The following GXYLT1 variants were observed in gnomAD, a reference collection of about 807,000 sequenced individuals.
The protein encoded by GXYLT1 is glycosyltransferase 8 domain containing 3.
GXYLT1 carries 29 observed loss-of-function variants against 54.0 expected under a neutral mutation model. The observed-to-expected ratio is 0.54, with a 90% CI of 0.40 to 0.73. The LOEUF (loss-of-function observed/expected upper bound fraction) is 0.73. Among genes scored for constraint, GXYLT1 ranks in the 30% least tolerant of loss-of-function variants. GXYLT1 has a pLI of 0.00. For synonymous variants in GXYLT1, 176 were observed against 204.1 expected (o/e 0.86, Z 1.17); for missense variants, 490 against 553.4 (o/e 0.89, Z 1.15).
intron 3 of GXYLT1, among the ~76,000 whole-genome samples, chr12:42,112,242 C>T (rs985978846): frequency 1.3e-4 from 20 of 152,204 alleles, no homozygotes; most frequent in African/African-American, 4.3e-4. Context: ...GAGTGCCTCT[C>T]CTCCTCCAAA....
In GXYLT1 at chr12:42,106,029, G is replaced by A; in HGVS notation, c.653C>T (p.Thr218Ile). Reference protein sequence around the residue: ...KEVDSLLYVDTDILFLRPVDD... With the variant: ...KEVDSLLYVDIDILFLRPVDD... ...AACTGGTCGTAAAAAAAGGATATCA[G>A]TGTCGACATACAATAGTGAGTCAAC... Residue 218 changes from threonine to isoleucine, a missense_variant, in exon 5 of 8, where the codon ACT (threonine) becomes ATT (isoleucine). This residue lies in a region of GXYLT1 where 342 missense variants were observed against 342.6 expected (regional missense o/e 1.00). Transcript: ENST00000398675. 1 of 1,608,408 alleles carries A rather than the reference G, an allele frequency of 6.2e-7. No individual in the cohort carries two copies. Among genetic ancestry groups the A allele is most frequent in the Non-Finnish European group, 8.5e-7 (1 of 1,176,308 alleles).
chr12:42,087,580 A>G lies in GXYLT1; in HGVS notation c.*206T>C. On this transcript the variant is annotated 3_prime_UTR_variant, in exon 8 of 8. Transcript: ENST00000398675. ...ATAGCAAGTAACATTACAAAACATC[A>G]GAGATAAAAAATGTTCAATGTTGAG... 2.1e-6 allele frequency: 1 copy of G among 481,404 alleles called. No homozygotes were observed. Among genetic ancestry groups the G allele is most frequent in the South Asian group, 2.5e-5 (1 of 40,138 alleles). 29.8% of individuals were successfully genotyped at this position (481,404 alleles called of 1,614,324 possible). A position where few individuals can be genotyped will look rare whatever the true frequency, so the allele number is the denominator to read the frequency against.
chr12:42,114,578 A>G (rs1017207393), intron 3 of GXYLT1, among the ~76,000 whole-genome samples: 5 of 152,334 alleles, frequency 3.3e-5, no homozygotes, highest in African/African-American at 1.2e-4. Flanking sequence ...AGACTAAACC[A>G]GGAAGAAGTT....
rs1305756500 is a variant in GXYLT1 at position 42,087,437 on chromosome 12, T to G, written c.*349A>C. The stretch of plus-strand genomic sequence containing the variant: ...TTGCTCTACTCACAGTCTTGAGTGT[T>G]GGCACTGTTTGAGGTACATTTTCTC... On this transcript the variant is annotated 3_prime_UTR_variant, in exon 8 of 8. Coordinates refer to ENST00000398675, the MANE Select transcript of GXYLT1 (RefSeq NM_173601.2). 5.3e-6 allele frequency: 1 copy of G among 190,098 alleles called. No individual in the cohort carries two copies. The highest frequency in any genetic ancestry group is 6.3e-5 in the Admixed American group (1 of 15,996). The allele number at this position is 190,098 out of a possible 1,614,324, so 11.8% of individuals were successfully genotyped here.
At chr12:42,092,171 T>C (rs553820607) in intron 7 of GXYLT1, among the ~76,000 whole-genome samples, 6 of 152,332 alleles carry the variant, frequency 3.9e-5, no homozygotes, top group East Asian at 1.9e-4. Flanking sequence ...TGAGGCTACA[T>C]AGACCAGAGG....
rs985432747 is a variant in GXYLT1 at position 42,130,476 on chromosome 12, T to C, written c.222-625A>G. On this transcript the variant is annotated intron_variant, in intron 1 of 7. Transcript: ENST00000398675. Reference sequence around the variant, plus strand: ...TATCAAAAAGGCAAAAAACAAATCCTGGCAAAGGTATGAAGAGAAAAGGAA... The same window carrying C: ...TATCAAAAAGGCAAAAAACAAATCCCGGCAAAGGTATGAAGAGAAAAGGAA... 6.3e-4 allele frequency among the ~76,000 whole-genome samples: 96 copies of C among 152,092 alleles called. 1 individual carries two copies. Among genetic ancestry groups the C allele is most frequent in the Middle Eastern group, 3.4e-3 (1 of 294 alleles).
In GXYLT1 at chr12:42,084,771, A is replaced by G. The variant is rs893861256; in HGVS notation, c.*3015T>C. 1 of 152,308 alleles carries G rather than the reference A, an allele frequency of 6.6e-6. No individual in the cohort carries two copies. The highest frequency in any genetic ancestry group is 1.5e-5 in the Non-Finnish European group (1 of 68,058). The allele number at this position is 152,308 out of a possible 1,614,324, so 9.4% of individuals were successfully genotyped here. ...GCCTTAAAACCCTTATATATTATGA[A>G]CTACTCTTCATTAGAAAAAAGTATG... is the stretch of plus-strand genomic sequence containing the variant. On this transcript the variant is annotated 3_prime_UTR_variant, in exon 8 of 8. Coordinates refer to ENST00000398675, the MANE Select transcript of GXYLT1 (RefSeq NM_173601.2).
chr12:42,129,865 A>G lies in GXYLT1; in HGVS notation c.222-14T>C. The G allele has an allele frequency of 6.4e-7, 1 of 1,560,446 alleles. No homozygotes were observed. Among genetic ancestry groups the G allele is most frequent in the Non-Finnish European group, 8.8e-7 (1 of 1,131,952 alleles). ...AAATCTTTACACCTAACAGAGTAAGACAGAAATAAGAGTCCTGTGTGAGTA... is the reference window on the plus strand; with the variant it reads ...AAATCTTTACACCTAACAGAGTAAGGCAGAAATAAGAGTCCTGTGTGAGTA... On this transcript the variant is annotated splice_polypyrimidine_tract_variant and intron_variant, in intron 1 of 7. Transcript: ENST00000398675.
chr12:42,118,067 T>C (rs1418624502), intron 3 of GXYLT1, among the ~76,000 whole-genome samples: 1 of 152,150 alleles, frequency 6.6e-6, no homozygotes, highest in Non-Finnish European at 1.5e-5. Flanking sequence ...TATCTGAAGA[T>C]AAAGAATTGC....
Position 42,129,820 on chromosome 12 carries a change from G to C in GXYLT1, c.253C>G (p.Pro85Ala). The change falls in exon 2 of 8, where the codon CCC becomes GCC. Residue 85 changes from proline to alanine, a missense_variant. Physicochemically the swap from Pro to Ala is conservative, Grantham distance 27 (BLOSUM62 -1). Transcript: ENST00000398675. ...CKDFSLCYWN[P>A]YWMLPSDVCG... ...ACATCAGAGGGCAGCATCCAATAGG[G>C]ATTCCAGTAACACAGAGAGAAATCT... is the stretch of plus-strand genomic sequence containing the variant. 2 of 1,613,410 alleles carry C rather than the reference G, an allele frequency of 1.2e-6. No individual in the cohort carries two copies. Among genetic ancestry groups the C allele is most frequent in the Middle Eastern group, 1.7e-4 (1 of 6,060 alleles).
chr12:42,113,042 C>A (rs368234099), intron 3 of GXYLT1, among the ~76,000 whole-genome samples: 3 of 150,984 alleles, frequency 2.0e-5, no homozygotes, highest in Non-Finnish European at 4.4e-5. Flanking sequence ...AGCTTCATAA[C>A]TGAAGGAGAA....
intron 7 of GXYLT1, among the ~76,000 whole-genome samples, chr12:42,092,075 CA>C (rs1002617424): frequency 1.3e-5 from 2 of 152,094 alleles, no homozygotes; most frequent in African/African-American, 2.4e-5. Context: ...CCCTTCAAGG[CA>C]AAACTGAGAC....
chr12:42,111,697 C>T (rs2065457348), intron 3 of GXYLT1, among the ~76,000 whole-genome samples: 1 of 152,238 alleles, frequency 6.6e-6, no homozygotes, highest in Non-Finnish European at 1.5e-5. Flanking sequence ...TCTGTAGGCT[C>T]CACCTCTGGG....
At chr12:42,137,075 TAAGTTA>T (rs2065623940) in intron 1 of GXYLT1, among the ~76,000 whole-genome samples, 1 of 152,170 alleles carries the variant, frequency 6.6e-6, no homozygotes, top group African/African-American at 2.4e-5. Flanking sequence ...GTTGTACTTT[TAAGTTA>T]AACTAGAAAA....
intron 5 of GXYLT1, among the ~76,000 whole-genome samples, 197 bp downstream of exon 5, chr12:42,105,621 T>C (rs928507034): frequency 3.3e-5 from 5 of 152,336 alleles, no homozygotes; most frequent in South Asian, 2.1e-4. Context: ...GTTTGACCTA[T>C]TGTAATGCTC....
chr12:42,107,467 G>A (rs2065427870), intron 4 of GXYLT1, among the ~76,000 whole-genome samples: 2 of 152,144 alleles, frequency 1.3e-5, no homozygotes, highest in South Asian at 4.1e-4. Flanking sequence ...GAGGCGGGCA[G>A]ATCACCTGAG....
At chr12:42,096,190 G>A (rs918527725) in intron 7 of GXYLT1, among the ~76,000 whole-genome samples, 1 of 152,112 alleles carries the variant, frequency 6.6e-6, no homozygotes, top group Non-Finnish European at 1.5e-5. Context: ...ATACTTCCTA[G>A]CTCTGCCACT....
chr12:42,142,038 G>A (rs1028167930), intron 1 of GXYLT1, among the ~76,000 whole-genome samples: 13 of 152,168 alleles, frequency 8.5e-5, no homozygotes, highest in African/African-American at 3.1e-4. Flanking sequence ...AATAAAAAGA[G>A]AGAAATAGTT....
chr12:42,087,891 T>A lies in GXYLT1; in HGVS notation c.1218A>T (p.Leu406=). 6.3e-7 allele frequency: 1 copy of A among 1,591,380 alleles called. No individual in the cohort carries two copies. The highest frequency in any genetic ancestry group is 8.6e-7 in the Non-Finnish European group (1 of 1,164,436). Residue 406 remains leucine (L), a synonymous_variant, in exon 8 of 8, where the codon CTA becomes CTT. Transcript: ENST00000398675. ...CACAGTATGTATGCACTGTTTTTTG[T>A]AGTTCCAGTTCTAAAGGTTTTAATA... ...RSLLKPLELE[L]QKTVHTYCGK...
Sources: gnomAD v4.1 joint callset for allele counts (sites outside exome capture counted in the v4.1 genomes callset) on GRCh38, gnomAD v4.1.1 for gene constraint, gnomAD v4.1.1 regional missense constraint, MANE v1.5 for transcripts, NCBI Gene and HGNC (gene_info 2026-07-23, HGNC 2026-07-21) for gene names.